Variants in CNTN4 observed in about 807,000 individuals in gnomAD.
CNTN4 encodes contactin-4.
Under a neutral mutation model 122.5 loss-of-function variants are expected in CNTN4, and 77 were observed. That is an observed-to-expected ratio of 0.63 (90% CI 0.52 to 0.76). The LOEUF is 0.76. Among genes scored for constraint, CNTN4 ranks in the 30% least tolerant of loss-of-function variants. The probability of loss-of-function intolerance (pLI) is 0.00; values close to 1 mark genes in which losing one functional copy is unlikely to be tolerated. For missense variants in CNTN4, 1,256 were observed against 1,259.1 expected (o/e 1.00, Z 0.04); for synonymous variants, 512 against 447.0 (o/e 1.15, Z -1.83).
rs562347086 is a variant in CNTN4 at position 2,829,700 on chromosome 3, G to A, written c.454+10119G>A. Reference sequence around the variant, plus strand: ...TCATGACTATACTTTTGAATGCCTAGATGTCAACAACTATACACTTATGAG... The same window carrying A: ...TCATGACTATACTTTTGAATGCCTAAATGTCAACAACTATACACTTATGAG... On this transcript the variant is annotated intron_variant, in intron 7 of 24. Coordinates refer to ENST00000418658, the MANE Select transcript of CNTN4 (RefSeq NM_175607.3). Among the ~76,000 whole-genome samples, 27 of 152,274 alleles carry A rather than the reference G, an allele frequency of 1.8e-4. No homozygotes were observed. The South Asian group carries it at 4.8e-3, about 27-fold the overall frequency.
At chr3:2,150,111 A>T (rs1041293887) in intron 2 of CNTN4, among the ~76,000 whole-genome samples, 1 of 152,182 alleles carries the variant, frequency 6.6e-6, no homozygotes, top group Non-Finnish European at 1.5e-5. Flanking sequence ...CATTGTGAGC[A>T]TTCAGTAAAC....
At chr3:2,123,707 T>G (rs746246539) in intron 2 of CNTN4, among the ~76,000 whole-genome samples, 4 of 151,826 alleles carry the variant, frequency 2.6e-5, no homozygotes, top group Non-Finnish European at 4.4e-5. Flanking sequence ...AGGGGATTCC[T>G]TTAGAAATTT....
chr3:2,503,882 C>T (rs2076663825), intron 3 of CNTN4, among the ~76,000 whole-genome samples: 1 of 151,876 alleles, frequency 6.6e-6, no homozygotes, highest in Non-Finnish European at 1.5e-5. Context: ...TAAGAACTGG[C>T]CATATTTGGC....
intron 3 of CNTN4, among the ~76,000 whole-genome samples, chr3:2,477,265 T>A (rs2075860539): frequency 6.6e-6 from 1 of 152,192 alleles, no homozygotes; most frequent in Admixed American, 6.5e-5. Flanking sequence ...AACTGAAGGC[T>A]CCAACTATAA....
At chr3:2,793,934 A>C (rs748425256) in intron 6 of CNTN4, among the ~76,000 whole-genome samples, 1 of 152,194 alleles carries the variant, frequency 6.6e-6, no homozygotes, top group East Asian at 1.9e-4. Context: ...AAAATGACCA[A>C]CTACTGCCTG....
At position 2,317,947 on chromosome 3, in the gene CNTN4, T is replaced by C. The variant is rs143728382; in HGVS notation, c.-144-21231T>C. 7.1e-3 allele frequency among the ~76,000 whole-genome samples: 1,079 copies of C among 152,330 alleles called. 4 individuals carry two copies. The highest frequency in any genetic ancestry group is 0.017 in the Middle Eastern group (5 of 294). ...TGACTTACAGGATTCAACAGAACAC[T>C]TAGTCTTTTGTCTGCATTTTCCCCA... On this transcript the variant is annotated intron_variant, in intron 2 of 24. Transcript: ENST00000418658.
chr3:2,498,462 C>T (rs1340989182), intron 3 of CNTN4, among the ~76,000 whole-genome samples: 2 of 151,866 alleles, frequency 1.3e-5, no homozygotes, highest in African/African-American at 4.8e-5. Flanking sequence ...TTTGTTTTAG[C>T]CATTCTTTTT....
intron 4 of CNTN4, among the ~76,000 whole-genome samples, chr3:2,718,421 C>T (rs970486854): frequency 6.6e-6 from 1 of 152,074 alleles, no homozygotes; most frequent in African/African-American, 2.4e-5. Flanking sequence ...CCTGAATTCC[C>T]TTTTAGAAAA....
chr3:2,855,997 G>A (rs2093614471), intron 7 of CNTN4, among the ~76,000 whole-genome samples: 1 of 151,998 alleles, frequency 6.6e-6, no homozygotes, highest in East Asian at 1.9e-4. Flanking sequence ...ACCATTAATG[G>A]TCTGATGAAA....
At chr3:2,351,208 T>A (rs901350961) in intron 3 of CNTN4, among the ~76,000 whole-genome samples, 1 of 152,196 alleles carries the variant, frequency 6.6e-6, no homozygotes, top group African/African-American at 2.4e-5. Flanking sequence ...GCCATGAATG[T>A]GAGACCATCT....
At chr3:2,369,133 C>A (rs562431817) in intron 3 of CNTN4, among the ~76,000 whole-genome samples, 1 of 152,120 alleles carries the variant, frequency 6.6e-6, no homozygotes, top group East Asian at 1.9e-4. Context: ...CCATGTTGGC[C>A]AGGCTGGTCT....
chr3:2,280,764 C>A (rs2041684722), intron 2 of CNTN4, among the ~76,000 whole-genome samples: 1 of 152,198 alleles, frequency 6.6e-6, no homozygotes, highest in Non-Finnish European at 1.5e-5. Context: ...GTACCTATAG[C>A]TCCAGCTCCT....
intron 4 of CNTN4, among the ~76,000 whole-genome samples, chr3:2,656,365 C>T (rs1434655916): frequency 6.6e-6 from 1 of 152,168 alleles, no homozygotes; most frequent in Non-Finnish European, 1.5e-5. Context: ...TGTTTATAAT[C>T]CCAGATTAAA....
chr3:2,128,509 G>A (rs1054707024), intron 2 of CNTN4, among the ~76,000 whole-genome samples: 15 of 152,106 alleles, frequency 9.9e-5, no homozygotes, highest in Non-Finnish European at 2.2e-4. Context: ...GGATCCAGGG[G>A]AAACCTGGTC....
intron 2 of CNTN4, among the ~76,000 whole-genome samples, chr3:2,171,211 A>C (rs1210076906): frequency 1.3e-5 from 2 of 152,226 alleles, no homozygotes; most frequent in African/African-American, 4.8e-5. Context: ...GGAAATGGAC[A>C]GATAAATAAA....
chr3:2,889,842 T>A (rs2094018752), intron 10 of CNTN4, among the ~76,000 whole-genome samples: 1 of 152,084 alleles, frequency 6.6e-6, no homozygotes, highest in Non-Finnish European at 1.5e-5. Flanking sequence ...GGGTTAGAGG[T>A]TTCCTGCACT....
At chr3:3,052,410 CT>C (rs1402821022) in intron 23 of CNTN4, among the ~76,000 whole-genome samples, 1 of 152,160 alleles carries the variant, frequency 6.6e-6, no homozygotes, top group African/African-American at 2.4e-5. Context: ...TCCCCTGCCC[CT>C]CCCACCCTGT....
intron 2 of CNTN4, among the ~76,000 whole-genome samples, chr3:2,287,825 A>G (rs2041999327): frequency 6.6e-6 from 1 of 152,150 alleles, no homozygotes; most frequent in Non-Finnish European, 1.5e-5. Flanking sequence ...AGGAAGAAGA[A>G]GAAGGCTGAT....
chr3:2,657,773 A>G (rs1431033355), intron 4 of CNTN4, among the ~76,000 whole-genome samples: 1 of 151,956 alleles, frequency 6.6e-6, no homozygotes. Context: ...TTCTAGAGAA[A>G]AAATATATAT....
Sources: gnomAD v4.1 joint callset for allele counts (sites outside exome capture counted in the v4.1 genomes callset) on GRCh38, gnomAD v4.1.1 for gene constraint, MANE v1.5 for transcripts, NCBI Gene and HGNC (gene_info 2026-07-23, HGNC 2026-07-21) for gene names.